ERMN: variants seen among roughly 807,000 people sequenced by gnomAD.
ERMN encodes ermin, ERM-like protein.
Under a neutral mutation model 21.4 loss-of-function variants are expected in ERMN, and 17 were observed. The observed-to-expected ratio is 0.80, with a 90% confidence interval of 0.54 to 1.19. The LOEUF (loss-of-function observed/expected upper bound fraction) is 1.19, where lower values mean the gene tolerates loss of function less well. Among genes scored for constraint, ERMN ranks in the 50% most tolerant of loss-of-function variants. The pLI, the probability that ERMN is intolerant of heterozygous loss-of-function variation, is 0.00. For missense variants in ERMN, 348 were observed against 331.6 expected (o/e 1.05, Z -0.38); for synonymous variants, 115 against 111.9 (o/e 1.03, Z -0.17).
intron 2 of ERMN, chr2:157,324,164 C>T (rs1384148803): frequency 7.7e-6 from 2 of 260,422 alleles, no homozygotes; most frequent in African/African-American, 2.4e-5. Context: ...CCCAGTTACT[C>T]AGGAAGCTGA....
In ERMN at chr2:157,325,456, T is replaced by G. The variant is rs1374976279; in HGVS notation, c.187A>C (p.Lys63Gln). The G allele has an allele frequency of 6.2e-7, 1 of 1,614,218 alleles. No homozygotes were observed. The highest frequency in any genetic ancestry group is 1.1e-5 in the South Asian group (1 of 91,090). The change falls in exon 1 of 3, where the codon AAA (lysine) becomes CAA (glutamine). Residue 63 changes from lysine to glutamine, a missense_variant. Lys to Gln is a moderately conservative substitution (Grantham distance 53). Coordinates refer to ENST00000410096, the MANE Select transcript of ERMN (RefSeq NM_020711.3). ...TTGAGCAGCATGTTCCCTTGTAATT[T>G]TCTTCTTTCCTCCTGACTTCCTTTG... is the stretch of plus-strand genomic sequence containing the variant. ...LTKGSQEERRKLQGNMLLNSS... is the reference protein window; with the variant it reads ...LTKGSQEERRQLQGNMLLNSS...
chr2:157,324,517 A>C (rs1386495477), intron 2 of ERMN, among the ~76,000 whole-genome samples, 153 bp downstream of exon 2: 2 of 152,164 alleles, frequency 1.3e-5, no homozygotes, highest in Non-Finnish European at 2.9e-5. Context: ...CAGATAAGTT[A>C]AGACTCTCTT....
chr2:157,321,167 T>C lies in ERMN; in HGVS notation c.*104A>G. ...GTGAAAAAGAGAGTCAACTTCCACC[T>C]CCCTCCAAGTGATAACTCAAATAAG... On this transcript the variant is annotated 3_prime_UTR_variant, in exon 3 of 3. Coordinates refer to ENST00000410096, the MANE Select transcript of ERMN (RefSeq NM_020711.3). 6.8e-7 allele frequency: 1 copy of C among 1,469,964 alleles called. No individual in the cohort carries two copies. 91.1% of individuals were successfully genotyped at this position (1,469,964 alleles called of 1,614,324 possible).
rs1024704051 is a variant in ERMN, at chr2:157,321,083, T to C, written c.*188A>G. 35 of 823,196 alleles carry C rather than the reference T, an allele frequency of 4.3e-5. No individual in the cohort carries two copies. The Admixed American group carries it at 9.0e-4, about 21-fold the overall frequency. 51.0% of individuals were successfully genotyped at this position (823,196 alleles called of 1,614,324 possible). ...ATGCCCAAGAATTTATTTAAAGCTT[T>C]TTGATTTGAGGTTATCAGACTGAAT... is the stretch of plus-strand genomic sequence containing the variant. On this transcript the variant is annotated 3_prime_UTR_variant, in exon 3 of 3. Transcript: ENST00000410096.
rs1243954146 is a variant in ERMN, at chr2:157,319,550, A to G, written c.*1721T>C. On this transcript the variant is annotated 3_prime_UTR_variant, in exon 3 of 3. Coordinates refer to ENST00000410096, the MANE Select transcript of ERMN (RefSeq NM_020711.3). ...GGTTATCAGTAACCTAGAAAAGAAA[A>G]CAGCTTGTCCATGTAGAAAGATTAG... is the stretch of plus-strand genomic sequence containing the variant. 1 of 152,174 alleles carries G rather than the reference A, an allele frequency of 6.6e-6. No individual in the cohort carries two copies. The highest frequency in any genetic ancestry group is 1.5e-5 in the Non-Finnish European group (1 of 68,024). The allele number at this position is 152,174 out of a possible 1,614,324, so 9.4% of individuals were successfully genotyped here. A position where few individuals can be genotyped will look rare whatever the true frequency, so the allele number is the denominator to read the frequency against.
At position 157,323,450 on chromosome 2, in the gene ERMN, G is replaced by A. The variant is rs575984856; in HGVS notation, c.334+1220C>T. On this transcript the variant is annotated intron_variant, in intron 2 of 2. Coordinates refer to ENST00000410096, the MANE Select transcript of ERMN (RefSeq NM_020711.3). ...ATATTTCCTTAAGTGTTGCTACACTGCTAAGCAGACATAGTATGAGAGGTG... is the reference window on the plus strand; with the variant it reads ...ATATTTCCTTAAGTGTTGCTACACTACTAAGCAGACATAGTATGAGAGGTG... Among the ~76,000 whole-genome samples, 6 of 152,302 alleles carry A rather than the reference G, an allele frequency of 3.9e-5. No individual in the cohort carries two copies. The East Asian group carries it at 1.2e-3, about 29-fold the overall frequency.
intron 2 of ERMN, among the ~76,000 whole-genome samples, chr2:157,323,373 T>TA (rs1264396691): frequency 6.6e-6 from 1 of 152,214 alleles, no homozygotes; most frequent in Non-Finnish European, 1.5e-5. Flanking sequence ...TCTTAAGTCT[T>TA]AAAAATTATC....
chr2:157,323,669 A>C (rs374388190), intron 2 of ERMN, among the ~76,000 whole-genome samples: 85 of 152,332 alleles, frequency 5.6e-4, no homozygotes, highest in Middle Eastern at 6.8e-3. Context: ...GTATGGCTGC[A>C]AGAGAGGAAA....
chr2:157,327,260 C>T, upstream of ERMN: 1 of 523,226 alleles, frequency 1.9e-6, no homozygotes, highest in Non-Finnish European at 3.4e-6. Flanking sequence ...TCAGGGACAA[C>T]ACCTCACTCT....
At chr2:157,321,960 C>CAAA (rs1213320172) in intron 2 of ERMN, among the ~76,000 whole-genome samples, 169 bp from the exon 3 acceptor site, 1 of 152,142 alleles carries the variant, frequency 6.6e-6, no homozygotes, top group Admixed American at 6.5e-5. Context: ...GCTACACAGC[C>CAAA]AAATTAATTT....
In ERMN at chr2:157,324,221, G is replaced by A. The variant is rs559050127; in HGVS notation, c.334+449C>T. On this transcript the variant is annotated intron_variant, in intron 2 of 2. Coordinates refer to ENST00000410096, the MANE Select transcript of ERMN (RefSeq NM_020711.3). Reference sequence around the variant, plus strand: ...CTGGAGACAGAGGTTGCAGTCTGCCGAGATTGCACCATTGCACTCCAGCCT... The same window carrying A: ...CTGGAGACAGAGGTTGCAGTCTGCCAAGATTGCACCATTGCACTCCAGCCT... The A allele has an allele frequency of 6.6e-5, 16 of 242,390 alleles. No homozygotes were observed. In the East Asian group the frequency reaches 1.3e-3, roughly 20 times the overall value. The allele number at this position is 242,390 out of a possible 1,614,324, so 15.0% of individuals were successfully genotyped here.
Position 157,321,391 on chromosome 2 carries a change from C to G in ERMN, c.735G>C (p.Gly245=), listed in dbSNP as rs766324580. ...AVTPDEQPTL[G]KKSDISRNAY... is the part of the protein sequence containing the mutation. The stretch of plus-strand genomic sequence containing the variant: ...CATTTCTGGAGATATCACTCTTCTT[C>G]CCTAAGGTTGGCTGCTCATCAGGTG... The change falls in exon 3 of 3, where the codon GGG becomes GGC. Residue 245 remains glycine (G), a synonymous_variant. Transcript: ENST00000410096. 26 of 1,613,996 alleles carry G rather than the reference C, an allele frequency of 1.6e-5. No homozygotes were observed. In the Admixed American group the frequency reaches 4.3e-4, roughly 27 times the overall value.
upstream of ERMN, chr2:157,327,710 T>G (rs758848647): frequency 2.7e-4 from 138 of 519,762 alleles, no homozygotes; most frequent in Non-Finnish European, 4.1e-4. Flanking sequence ...TAGAGACAGT[T>G]GTGGCCAGGA....
intron 1 of ERMN, chr2:157,325,108 G>A (rs1462284925): frequency 1.8e-6 from 1 of 547,746 alleles, no homozygotes; most frequent in Non-Finnish European, 3.5e-6. Flanking sequence ...AAATACAGTA[G>A]TTAACATTTA....
In ERMN at chr2:157,321,039, G is replaced by A. The variant is rs1683877912; in HGVS notation, c.*232C>T. 5.3e-6 allele frequency: 3 copies of A among 564,510 alleles called. No individual in the cohort carries two copies. Among genetic ancestry groups the A allele is most frequent in the African/African-American group, 1.9e-5 (1 of 53,090 alleles). The allele number at this position is 564,510 out of a possible 1,614,324, so 35.0% of individuals were successfully genotyped here. On this transcript the variant is annotated 3_prime_UTR_variant, in exon 3 of 3. Transcript: ENST00000410096. ...GTGCTTATCACACAATGCTATATTA[G>A]TGAAGTTTTAAAAGATAAATGCCCA...
chr2:157,327,406 C>G (rs139282209), upstream of ERMN: 3 of 769,814 alleles, frequency 3.9e-6, no homozygotes, highest in South Asian at 4.1e-5. Flanking sequence ...TTTTAACAAA[C>G]GCTCATATCA....
Position 157,321,713 on chromosome 2 carries a change from G to A in ERMN, c.413C>T (p.Pro138Leu), listed in dbSNP as rs1405253241. The A allele has an allele frequency of 1.2e-6, 2 of 1,613,806 alleles. No individual in the cohort carries two copies. Among genetic ancestry groups the A allele is most frequent in the African/African-American group, 2.7e-5 (2 of 74,876 alleles). ...GTCCTCATCTTCTTCCTCTTTGAGA[G>A]GCTGCTCAGTAATCCTCTCCTTCTG... The part of the protein sequence containing the change: ...RRQKERITEQ[P>L]LKEEEDEDRK... The change falls in exon 3 of 3, where the codon CCT (proline) becomes CTT (leucine). Residue 138 changes from proline (P) to leucine (L), a missense_variant. Coordinates refer to ENST00000410096, the MANE Select transcript of ERMN (RefSeq NM_020711.3).
At chr2:157,324,272 CAAA>C (rs748983472) in intron 2 of ERMN, 297 of 94,606 alleles carry the variant, frequency 3.1e-3, no homozygotes, top group South Asian at 0.011. Context: ...CACTCCGTCT[CAAA>C]AAAAAAAAAA....
chr2:157,322,301 GA>G (rs1662013623), intron 2 of ERMN, among the ~76,000 whole-genome samples: 1 of 151,486 alleles, frequency 6.6e-6, no homozygotes, highest in African/African-American at 2.4e-5. Context: ...AAATACTTCA[GA>G]AAGAAAAAAA....
Sources: gnomAD v4.1 joint callset for allele counts (sites outside exome capture counted in the v4.1 genomes callset) on GRCh38, gnomAD v4.1.1 for gene constraint, MANE v1.5 for transcripts, NCBI Gene and HGNC (gene_info 2026-07-23, HGNC 2026-07-21) for gene names.